The following PNO1 variants were observed in gnomAD, a reference collection of about 807,000 sequenced individuals.
PNO1 encodes the protein RNA-binding protein PNO1.
PNO1 carries 16 observed loss-of-function variants against 28.4 expected under a neutral mutation model. That is an observed-to-expected ratio of 0.56 (90% CI 0.38 to 0.85). The LOEUF (loss-of-function observed/expected upper bound fraction) is 0.85. Ranked by LOEUF, PNO1 falls within the 40% of genes least tolerant of loss-of-function variation. The pLI is 0.00. For synonymous variants in PNO1, 115 were observed against 110.8 expected (o/e 1.04, Z -0.24); for missense variants, 304 against 312.2 (o/e 0.97, Z 0.20).
intron 5 of PNO1, among the ~76,000 whole-genome samples, chr2:68,169,292 C>A (rs1457423834): frequency 6.6e-6 from 1 of 152,150 alleles, no homozygotes; most frequent in East Asian, 1.9e-4. Context: ...CCCAACATCA[C>A]TAGTGGCACT....
intron 5 of PNO1, among the ~76,000 whole-genome samples, chr2:68,170,739 C>G (rs1189711575): frequency 2.4e-5 from 3 of 125,322 alleles, no homozygotes; most frequent in Admixed American, 1.7e-4. Context: ...CAGAGCAAGA[C>G]TCCGTCTCAA....
At chr2:68,160,239 G>A (rs1673796757) in intron 2 of PNO1, among the ~76,000 whole-genome samples, 1 of 152,122 alleles carries the variant, frequency 6.6e-6, no homozygotes, top group Non-Finnish European at 1.5e-5. Context: ...AAAGTGCTGG[G>A]ATTACAGGCG....
Position 68,157,979 on chromosome 2 carries a change from C to T in PNO1, c.45C>T (p.Gly15=), listed in dbSNP as rs748997118. The T allele has an allele frequency of 2.5e-6, 4 of 1,614,024 alleles. No individual in the cohort carries two copies. In the African/African-American group the frequency reaches 5.3e-5, roughly 22 times the overall value. ...CGCAGAGCGCCAGGGCAGAGGAGGGCTTTACCCAGGTCACCCGCAAGGGTG... is the reference window on the plus strand; with the variant it reads ...CGCAGAGCGCCAGGGCAGAGGAGGGTTTTACCCAGGTCACCCGCAAGGGTG... ...METQSARAEE[G]FTQVTRKGGR... is the part of the protein sequence containing the mutation. The change falls in exon 1 of 7, where the codon GGC becomes GGT. Residue 15 remains glycine, a synonymous_variant. Coordinates refer to ENST00000263657, the MANE Select transcript of PNO1 (RefSeq NM_020143.4).
chr2:68,163,303 G>A (rs1179496088), intron 5 of PNO1, among the ~76,000 whole-genome samples: 1 of 152,052 alleles, frequency 6.6e-6, no homozygotes, highest in Admixed American at 6.6e-5. Context: ...AGGCTGAGGC[G>A]GGCGGATCAC....
intron 2 of PNO1, 93 bp downstream of exon 2, chr2:68,158,622 C>G: frequency 5.3e-6 from 6 of 1,141,218 alleles, no homozygotes; most frequent in Non-Finnish European, 7.3e-6. Context: ...TGGGACTTTT[C>G]TGTTGTATGG....
intron 2 of PNO1, 81 bp downstream of exon 2, chr2:68,158,610 A>C (rs1673741725): frequency 1.6e-6 from 2 of 1,238,798 alleles, no homozygotes; most frequent in Admixed American, 2.4e-5. Context: ...GGCTTTACTT[A>C]ATGGGACTTT....
At chr2:68,161,259 C>T in intron 2 of PNO1, 1 of 471,474 alleles carries the variant, frequency 2.1e-6, no homozygotes, top group Non-Finnish European at 4.4e-6. Flanking sequence ...TAAGAAACAT[C>T]AGCATATAAA....
At chr2:68,164,373 C>A (rs1673920090) in intron 5 of PNO1, among the ~76,000 whole-genome samples, 1 of 152,002 alleles carries the variant, frequency 6.6e-6, no homozygotes, top group Non-Finnish European at 1.5e-5. Flanking sequence ...CACCTGTAGT[C>A]CCAGCTACTT....
chr2:68,161,304 G>A (rs1242221655), intron 2 of PNO1: 2 of 474,204 alleles, frequency 4.2e-6, no homozygotes, highest in Non-Finnish European at 8.7e-6. Flanking sequence ...GAATCCCAGG[G>A]AAGACTGCCT....
chr2:68,161,152 A>AT, intron 2 of PNO1: 1 of 465,536 alleles, frequency 2.1e-6, no homozygotes, highest in Non-Finnish European at 4.4e-6. Context: ...TTATTTCTGC[A>AT]TTTCTCAAAT....
chr2:68,174,882 T>A lies in PNO1; in HGVS notation c.*80T>A. ...CAGTGGTCGGTCACAAGAAACCAGCTGAACAATTTCAGTCATTTGAAGCCT... is the reference window on the plus strand; with the variant it reads ...CAGTGGTCGGTCACAAGAAACCAGCAGAACAATTTCAGTCATTTGAAGCCT... On this transcript the variant is annotated 3_prime_UTR_variant, in exon 7 of 7. Coordinates refer to ENST00000263657, the MANE Select transcript of PNO1 (RefSeq NM_020143.4). 1.2e-6 allele frequency: 1 copy of A among 803,454 alleles called. No homozygotes were observed. The highest frequency in any genetic ancestry group is 2.1e-6 in the Non-Finnish European group (1 of 478,136). The allele number at this position is 803,454 out of a possible 1,614,324, so 49.8% of individuals were successfully genotyped here.
chr2:68,164,132 G>A (rs1460670654), intron 5 of PNO1, among the ~76,000 whole-genome samples: 2 of 152,180 alleles, frequency 1.3e-5, no homozygotes, highest in Admixed American at 6.5e-5. Context: ...ATTGAGCCTA[G>A]AGTCAGAAAT....
Position 68,175,753 on chromosome 2 carries a change from T to A in PNO1, c.*951T>A, listed in dbSNP as rs1346295795. ...AATGAGTATTTAATGAAAGTATACA[T>A]AACCAATGTTGGGTATACAGATGCT... On this transcript the variant is annotated 3_prime_UTR_variant, in exon 7 of 7. Transcript: ENST00000263657. 6.6e-6 allele frequency: 1 copy of A among 152,244 alleles called. No homozygotes were observed. Among genetic ancestry groups the A allele is most frequent in the Non-Finnish European group, 1.5e-5 (1 of 68,048 alleles). The allele number at this position is 152,244 out of a possible 1,614,324, so 9.4% of individuals were successfully genotyped here. A position where few individuals can be genotyped will look rare whatever the true frequency, so the allele number is the denominator to read the frequency against.
In PNO1 at chr2:68,175,715, G is replaced by A. The variant is rs1157893526; in HGVS notation, c.*913G>A. 6.6e-6 allele frequency: 1 copy of A among 152,118 alleles called. No homozygotes were observed. The highest frequency in any genetic ancestry group is 6.5e-5 in the Admixed American group (1 of 15,274). 9.4% of individuals were successfully genotyped at this position (152,118 alleles called of 1,614,324 possible). A position where few individuals can be genotyped will look rare whatever the true frequency, so the allele number is the denominator to read the frequency against. ...ACATCACAGGGTTAATGTGAAGAAAGCTTTATTTTTCAAATGAGTATTTAA... is the reference window on the plus strand; with the variant it reads ...ACATCACAGGGTTAATGTGAAGAAAACTTTATTTTTCAAATGAGTATTTAA... On this transcript the variant is annotated 3_prime_UTR_variant, in exon 7 of 7. Transcript: ENST00000263657.
At chr2:68,166,430 T>C (rs1010825597) in intron 5 of PNO1, among the ~76,000 whole-genome samples, 2 of 151,964 alleles carry the variant, frequency 1.3e-5, no homozygotes, top group African/African-American at 4.8e-5. Context: ...GAAGAGAAAA[T>C]CTATCTACTC....
chr2:68,174,288 G>GTTTTTT (rs34323809), intron 6 of PNO1, among the ~76,000 whole-genome samples: 1 of 106,800 alleles, frequency 9.4e-6, no homozygotes, highest in Non-Finnish European at 1.8e-5. Context: ...TTCTGTTAAG[G>GTTTTTT]TTTTTTTTTT....
chr2:68,165,638 T>C (rs111488860), intron 5 of PNO1, among the ~76,000 whole-genome samples: 6,049 of 147,456 alleles, frequency 0.041, 354 homozygotes, highest in African/African-American at 0.13. Flanking sequence ...CACCTGAGGT[T>C]AGGAATTCGA....
rs1292313050 is a variant in PNO1 at position 68,162,328 on chromosome 2, G to A, written c.502+3G>A. 2 of 1,603,602 alleles carry A rather than the reference G, an allele frequency of 1.2e-6. No individual in the cohort carries two copies. The highest frequency in any genetic ancestry group is 1.7e-6 in the Non-Finnish European group (2 of 1,174,132). ...AGAGTCTTTTGAAATTACAGATGGT[G>A]AGTGTGTGTTGGTCTGCGCTCTTGT... On this transcript the variant is annotated splice_donor_region_variant and intron_variant, in intron 4 of 6. Transcript: ENST00000263657.
intron 5 of PNO1, among the ~76,000 whole-genome samples, chr2:68,163,297 T>C (rs892596684): frequency 6.6e-6 from 1 of 152,164 alleles, no homozygotes; most frequent in African/African-American, 2.4e-5. Flanking sequence ...TTTGGGAGGC[T>C]GAGGCGGGCG....
Sources: allele counts gnomAD v4.1 joint callset (sites outside exome capture counted in the v4.1 genomes callset), GRCh38; gene constraint gnomAD v4.1.1; transcripts MANE v1.5; gene names NCBI Gene and HGNC (gene_info 2026-07-23, HGNC 2026-07-21).